TPTE: variants seen among roughly 807,000 people sequenced by gnomAD.
TPTE encodes the protein transmembrane phosphatase with tensin homology.
In TPTE, 59 loss-of-function variants were observed where a neutral mutation model predicts 84.1. The observed-to-expected ratio is 0.70, with a 90% CI of 0.57 to 0.87. The LOEUF is 0.87. TPTE is among the 40% of genes least tolerant of loss of function. The probability of loss-of-function intolerance (pLI) is 0.00; values close to 1 mark genes in which losing one functional copy is unlikely to be tolerated. For synonymous variants in TPTE, 130 were observed against 223.5 expected (o/e 0.58, Z 3.73); for missense variants, 382 against 659.6 (o/e 0.58, Z 4.61).
At chr21:10,580,491 T>G (rs1317132140) in intron 17 of TPTE, among the ~76,000 whole-genome samples, 1 of 152,310 alleles carries the variant, frequency 6.6e-6, no homozygotes, top group Non-Finnish European at 1.5e-5. Flanking sequence ...ATTTCATGTT[T>G]CACAGTTAAG....
intron 17 of TPTE, among the ~76,000 whole-genome samples, chr21:10,589,359 C>T (rs1205928131): frequency 6.6e-6 from 1 of 152,308 alleles, no homozygotes; most frequent in Non-Finnish European, 1.5e-5. Flanking sequence ...TAAGAGCTGG[C>T]TGTTGCCAGT....
At chr21:10,575,376 C>G (rs1414396523) in intron 14 of TPTE, among the ~76,000 whole-genome samples, 1 of 152,312 alleles carries the variant, frequency 6.6e-6, no homozygotes, top group Non-Finnish European at 1.5e-5. Context: ...TGAAATGGAG[C>G]TCCTGGTGGG....
intron 19 of TPTE, among the ~76,000 whole-genome samples, chr21:10,595,063 G>C (rs1568775362): frequency 6.6e-6 from 1 of 152,308 alleles, no homozygotes; most frequent in Non-Finnish European, 1.5e-5. Context: ...TAATTTTTGA[G>C]ACAGAGTCTC....
chr21:10,575,690 C>A (rs1458890122), intron 14 of TPTE, among the ~76,000 whole-genome samples: 209 of 152,058 alleles, frequency 1.4e-3, no homozygotes, highest in African/African-American at 4.9e-3. Flanking sequence ...TGTTTCTCAG[C>A]CTTCACTGGT....
At chr21:10,566,421 G>A (rs552323563) in intron 10 of TPTE, among the ~76,000 whole-genome samples, 1,049 of 151,922 alleles carry the variant, frequency 6.9e-3, no homozygotes, top group Non-Finnish European at 0.011. Flanking sequence ...ATGTAAATTA[G>A]TAGAACCAAT....
intron 2 of TPTE, among the ~76,000 whole-genome samples, chr21:10,526,098 A>G (rs906601453): frequency 1.6e-4 from 25 of 152,418 alleles, no homozygotes; most frequent in South Asian, 6.2e-4. Flanking sequence ...AGACAATCCA[A>G]TTATTCATCC....
chr21:10,559,900 A>G (rs1242269702), intron 9 of TPTE, among the ~76,000 whole-genome samples: 2 of 151,804 alleles, frequency 1.3e-5, no homozygotes, highest in Non-Finnish European at 2.9e-5. Flanking sequence ...AAAAGAAAAG[A>G]AAATATATGA....
In TPTE at chr21:10,603,763, G is replaced by A. The variant is rs1169147301; in HGVS notation, c.1520+131G>A. 2.6e-6 allele frequency: 3 copies of A among 1,165,210 alleles called. No individual in the cohort carries two copies. In the African/African-American group the frequency reaches 4.7e-5, roughly 18 times the overall value. 72.2% of individuals were successfully genotyped at this position (1,165,210 alleles called of 1,614,324 possible). A position where few individuals can be genotyped will look rare whatever the true frequency, so the allele number is the denominator to read the frequency against. The stretch of plus-strand genomic sequence containing the variant: ...AGCAAAAAATCCTTGAACCACCATT[G>A]TTCCTTGCCTTACTCTTCTTACTTT... On this transcript the variant is annotated intron_variant, in intron 23 of 23. Transcript: ENST00000618007.
At chr21:10,527,641 T>G (rs2145577394) in intron 3 of TPTE, among the ~76,000 whole-genome samples, 1 of 152,424 alleles carries the variant, frequency 6.6e-6, no homozygotes, top group East Asian at 1.9e-4. Context: ...TGAGACTCTC[T>G]TCAAGAGTGG....
At chr21:10,554,427 T>C (rs1288519159) in intron 8 of TPTE, among the ~76,000 whole-genome samples, 35 of 152,288 alleles carry the variant, frequency 2.3e-4, no homozygotes, top group Admixed American at 2.3e-3. Flanking sequence ...AGATGCAAAG[T>C]GTACATTTCT....
chr21:10,542,563 T>TCCATC, intron 6 of TPTE, 115 bp downstream of exon 6: 7 of 820,484 alleles, frequency 8.5e-6, no homozygotes, highest in Admixed American at 5.7e-5. Flanking sequence ...ATCCATCCAT[T>TCCATC]CATCCATCCA....
intron 17 of TPTE, among the ~76,000 whole-genome samples, chr21:10,588,982 G>C (rs1405367936): frequency 1.3e-5 from 2 of 152,308 alleles, no homozygotes; most frequent in African/African-American, 4.8e-5. Flanking sequence ...GCTTTGAATT[G>C]TTTATTGTCA....
chr21:10,561,183 T>C lies in TPTE; in HGVS notation c.438T>C (p.Phe146=). 6.2e-7 allele frequency: 1 copy of C among 1,611,714 alleles called. No homozygotes were observed. Among genetic ancestry groups the C allele is most frequent in the Non-Finnish European group, 8.5e-7 (1 of 1,179,800 alleles). The change falls in exon 10 of 24, where the codon TTT becomes TTC. Residue 146 remains phenylalanine (F), a synonymous_variant. Transcript: ENST00000618007. ...TCATGGATGTTCTTCTTCGAGTATT[T>C]GTAGAAAGGTAAGTTTGATTATTTT... The part of the protein sequence containing the change: ...FFLMDVLLRV[F]VERRQQYFSD...
At chr21:10,529,177 C>CT (rs1200897486) in intron 3 of TPTE, among the ~76,000 whole-genome samples, 2 of 143,578 alleles carry the variant, frequency 1.4e-5, no homozygotes, top group Non-Finnish European at 3.0e-5. Flanking sequence ...GAGCAAAACT[C>CT]TGTCTCAAAA....
At chr21:10,527,004 C>G (rs1012683654) in intron 2 of TPTE, among the ~76,000 whole-genome samples, 1 of 152,304 alleles carries the variant, frequency 6.6e-6, no homozygotes, top group African/African-American at 2.4e-5. Flanking sequence ...TTTAAGTTCA[C>G]AAAATGTTTT....
At chr21:10,573,582 A>G (rs1279006561) in intron 14 of TPTE, among the ~76,000 whole-genome samples, 3 of 152,310 alleles carry the variant, frequency 2.0e-5, no homozygotes, top group Admixed American at 6.5e-5. Flanking sequence ...AGTGCCCCCA[A>G]CACAAAGAAT....
intron 20 of TPTE, among the ~76,000 whole-genome samples, chr21:10,597,252 A>G (rs1345952627): frequency 6.6e-6 from 1 of 152,310 alleles, no homozygotes; most frequent in Non-Finnish European, 1.5e-5. Flanking sequence ...GTATATTTTT[A>G]TAGAGATTGC....
chr21:10,605,401 T>G lies in TPTE; in HGVS notation c.1521-16T>G, dbSNP rs765955079. ...GAGCCCCAATATAAAATGTAATAAT[T>G]TTTTTCTATTCTTAGGCTTTATCTA... On this transcript the variant is annotated splice_polypyrimidine_tract_variant and intron_variant, in intron 23 of 23. Transcript: ENST00000618007. 9.3e-6 allele frequency: 15 copies of G among 1,612,494 alleles called. No individual in the cohort carries two copies. In the African/African-American group the frequency reaches 1.9e-4, roughly 20 times the overall value.
intron 14 of TPTE, among the ~76,000 whole-genome samples, chr21:10,570,767 G>C (rs2075027077): frequency 6.6e-6 from 1 of 152,312 alleles, no homozygotes; most frequent in South Asian, 2.1e-4. Flanking sequence ...TTTGGCTCAT[G>C]ATACTGTGGT....
Sources: allele counts gnomAD v4.1 joint callset (sites outside exome capture counted in the v4.1 genomes callset), GRCh38; gene constraint gnomAD v4.1.1; transcripts MANE v1.5; gene names NCBI Gene and HGNC (gene_info 2026-07-23, HGNC 2026-07-21).